The following MACROH2A2 variants were observed in gnomAD, a reference collection of about 807,000 sequenced individuals.
The protein encoded by MACROH2A2 is core histone macro-H2A.2.
A neutral mutation model predicts 37.6 loss-of-function variants in MACROH2A2; 6 were observed. That is an observed-to-expected ratio of 0.16 (90% CI 0.09 to 0.32). The LOEUF (loss-of-function observed/expected upper bound fraction) is 0.32, where lower values mean the gene tolerates loss of function less well. MACROH2A2 is among the 10% of genes least tolerant of loss of function. The pLI is 1.00. For synonymous variants in MACROH2A2, 192 were observed against 202.7 expected (o/e 0.95, Z 0.45); for missense variants, 290 against 485.9 (o/e 0.60, Z 3.79).
intron 1 of MACROH2A2, among the ~76,000 whole-genome samples, chr10:70,055,279 A>G (rs2072008052): frequency 6.6e-6 from 1 of 152,218 alleles, no homozygotes; most frequent in Admixed American, 6.5e-5. Context: ...ATGTTTTTCA[A>G]CCTTAAGAAA....
At chr10:70,098,670 G>A (rs1408463102) in intron 6 of MACROH2A2, 1 of 152,270 alleles carries the variant, frequency 6.6e-6, no homozygotes, top group South Asian at 2.1e-4. Context: ...TGGATCTAGA[G>A]GTTTCATGAG....
chr10:70,091,989 C>G (rs2072248039), intron 4 of MACROH2A2, 35 bp downstream of exon 4: 1 of 1,526,806 alleles, frequency 6.5e-7, no homozygotes, highest in South Asian at 1.1e-5. Context: ...GCCAGGCACT[C>G]CCACTGCAAT....
At chr10:70,105,340 G>C (rs1308310567) in intron 7 of MACROH2A2, among the ~76,000 whole-genome samples, 1 of 152,182 alleles carries the variant, frequency 6.6e-6, no homozygotes, top group Non-Finnish European at 1.5e-5. Context: ...GGGGACCCCA[G>C]GGTAACACAG....
intron 1 of MACROH2A2, among the ~76,000 whole-genome samples, chr10:70,061,076 C>T (rs2072047788): frequency 6.6e-6 from 1 of 152,118 alleles, no homozygotes; most frequent in Admixed American, 6.5e-5. Flanking sequence ...TTTATCCTTT[C>T]TCCCCAAAAG....
chr10:70,088,826 A>C (rs2072226901), intron 2 of MACROH2A2, among the ~76,000 whole-genome samples: 1 of 152,236 alleles, frequency 6.6e-6, no homozygotes. Context: ...AGAGTCAACC[A>C]GGCGCAGTGG....
At chr10:70,060,927 T>C (rs116689710) in intron 1 of MACROH2A2, among the ~76,000 whole-genome samples, 3,878 of 150,522 alleles carry the variant, frequency 0.026, 150 homozygotes, top group African/African-American at 0.08. Flanking sequence ...AAGGCCGCAG[T>C]GAGCTGATTG....
At chr10:70,079,172 T>G (rs1205308981) in intron 2 of MACROH2A2, among the ~76,000 whole-genome samples, 3 of 151,848 alleles carry the variant, frequency 2.0e-5, no homozygotes, top group Non-Finnish European at 4.4e-5. Context: ...CTAACAGAAG[T>G]GTTGTTAAGA....
At chr10:70,087,808 C>T (rs1466190133) in intron 2 of MACROH2A2, among the ~76,000 whole-genome samples, 2 of 152,166 alleles carry the variant, frequency 1.3e-5, no homozygotes, top group Non-Finnish European at 2.9e-5. Flanking sequence ...GCTTAATAAT[C>T]TGGAAAAGAT....
rs368298031 is a variant in MACROH2A2, at chr10:70,075,875, C to T, written c.172+45C>T. ...GAGGCTGCCTGCTCCCAGGTCCCCA[C>T]CCTCCCCTGGGTCCCCCTCGCAGGC... On this transcript the variant is annotated intron_variant, in intron 2 of 8. Transcript: ENST00000373255. The surrounding 1 kb of genome is among the most constrained non-coding windows in gnomAD (Gnocchi z 5.0). 6.5e-7 allele frequency: 1 copy of T among 1,536,188 alleles called. No homozygotes were observed. Among genetic ancestry groups the T allele is most frequent in the African/African-American group, 1.4e-5 (1 of 73,424 alleles).
chr10:70,072,281 T>G (rs778762996), intron 1 of MACROH2A2, among the ~76,000 whole-genome samples: 1 of 152,048 alleles, frequency 6.6e-6, no homozygotes, highest in Non-Finnish European at 1.5e-5. Flanking sequence ...CTTTTTAAAC[T>G]TCTGTTAAAA....
In MACROH2A2 at chr10:70,056,899, G is replaced by A. The variant is rs540105435; in HGVS notation, c.-60+3899G>A. Among the ~76,000 whole-genome samples, 10 of 152,218 alleles carry A rather than the reference G, an allele frequency of 6.6e-5. No homozygotes were observed. The South Asian group carries it at 1.0e-3, about 16-fold the overall frequency. Reference sequence around the variant, plus strand: ...CTATATATAGAAGAAAGAGAAAAACGAGCCAGTAGAGAAGTATATGAGTTC... The same window carrying A: ...CTATATATAGAAGAAAGAGAAAAACAAGCCAGTAGAGAAGTATATGAGTTC... On this transcript the variant is annotated intron_variant, in intron 1 of 8. Coordinates refer to ENST00000373255, the MANE Select transcript of MACROH2A2 (RefSeq NM_018649.3).
chr10:70,069,647 C>G (rs2072097795), intron 1 of MACROH2A2, among the ~76,000 whole-genome samples: 1 of 152,080 alleles, frequency 6.6e-6, no homozygotes, highest in Non-Finnish European at 1.5e-5. Flanking sequence ...TTAAGCTTTG[C>G]CTAATCAGAG....
intron 2 of MACROH2A2, among the ~76,000 whole-genome samples, chr10:70,076,386 G>A (rs1011379394): frequency 1.3e-5 from 2 of 152,074 alleles, no homozygotes; most frequent in South Asian, 4.1e-4. Context: ...TCTAATAGGG[G>A]TGCACAGAAA....
chr10:70,063,492 A>G (rs913817906), intron 1 of MACROH2A2, among the ~76,000 whole-genome samples: 1 of 152,218 alleles, frequency 6.6e-6, no homozygotes, highest in Non-Finnish European at 1.5e-5. Flanking sequence ...AATTATCTCA[A>G]GACCGGTTAG....
intron 6 of MACROH2A2, among the ~76,000 whole-genome samples, chr10:70,096,833 G>A (rs1156352358): frequency 6.6e-6 from 1 of 152,154 alleles, no homozygotes; most frequent in African/African-American, 2.4e-5. Context: ...GGCATCAGAG[G>A]CCACTTGCTG....
At chr10:70,060,394 A>G (rs964631103) in intron 1 of MACROH2A2, among the ~76,000 whole-genome samples, 1 of 152,028 alleles carries the variant, frequency 6.6e-6, no homozygotes, top group Non-Finnish European at 1.5e-5. Context: ...AAAAGAAAAA[A>G]GGACAGACAG....
At chr10:70,058,812 GGGTTGCTCATCCCGAGT>G (rs760734849) in intron 1 of MACROH2A2, among the ~76,000 whole-genome samples, 50 of 152,200 alleles carry the variant, frequency 3.3e-4, no homozygotes, top group Admixed American at 7.2e-4. Flanking sequence ...GTAATTCACT[GGGTTGCTCATCCCGAGT>G]GGTAAACTTC....
Position 70,109,108 on chromosome 10 carries a change from A to G in MACROH2A2, c.854A>G (p.Lys285Arg). 6.2e-7 allele frequency: 1 copy of G among 1,614,202 alleles called. No homozygotes were observed. Among genetic ancestry groups the G allele is most frequent in the Non-Finnish European group, 8.5e-7 (1 of 1,180,006 alleles). The change falls in exon 8 of 9, where the codon AAA becomes AGA. Residue 285 changes from lysine to arginine, a missense_variant. Coordinates refer to ENST00000373255, the MANE Select transcript of MACROH2A2 (RefSeq NM_018649.3). The part of the protein sequence containing the change: ...HCHIPQWGSD[K>R]CEEQLEETIK... ...CACATCCCTCAGTGGGGCTCCGACAAATGTGAAGAACAGCTTGAAGAGACC... is the reference window on the plus strand; with the variant it reads ...CACATCCCTCAGTGGGGCTCCGACAGATGTGAAGAACAGCTTGAAGAGACC...
chr10:70,076,225 G>A (rs1358960384), intron 2 of MACROH2A2, among the ~76,000 whole-genome samples: 1 of 152,176 alleles, frequency 6.6e-6, no homozygotes, highest in African/African-American at 2.4e-5. Flanking sequence ...ACATCAAATT[G>A]CTCATTAAAC....
Sources: allele counts gnomAD v4.1 joint callset (sites outside exome capture counted in the v4.1 genomes callset), GRCh38; gene constraint gnomAD v4.1.1; non-coding constraint Gnocchi (gnomAD v3.1); transcripts MANE v1.5; gene names NCBI Gene and HGNC (gene_info 2026-07-23, HGNC 2026-07-21).